Variants in RANBP9 observed in about 807,000 individuals in gnomAD.
RANBP9 encodes the protein ran-binding protein 9.
In RANBP9, 15 loss-of-function variants were observed where a neutral mutation model predicts 84.3. The observed-to-expected ratio is 0.18, with a 90% CI of 0.12 to 0.27. The LOEUF is 0.27. Among genes scored for constraint, RANBP9 ranks in the 10% least tolerant of loss-of-function variants. The probability of loss-of-function intolerance (pLI) is 1.00; values close to 1 mark genes in which losing one functional copy is unlikely to be tolerated. For synonymous variants in RANBP9, 392 were observed against 349.6 expected (o/e 1.12, Z -1.35); for missense variants, 809 against 912.8 (o/e 0.89, Z 1.46).
At chr6:13,691,793 G>A (rs1038627315) in intron 2 of RANBP9, among the ~76,000 whole-genome samples, 3 of 152,122 alleles carry the variant, frequency 2.0e-5, no homozygotes, top group Non-Finnish European at 4.4e-5. Flanking sequence ...AGCCCCCCAA[G>A]TAGCTGGGAT....
intron 12 of RANBP9, among the ~76,000 whole-genome samples, chr6:13,626,081 C>G (rs780934242): frequency 6.6e-6 from 1 of 151,916 alleles, no homozygotes; most frequent in African/African-American, 2.4e-5. Flanking sequence ...GCAAAACATT[C>G]AGATGTTTTA....
intron 2 of RANBP9, among the ~76,000 whole-genome samples, chr6:13,683,308 A>G (rs187257982): frequency 2.8e-4 from 43 of 152,360 alleles, no homozygotes; most frequent in Non-Finnish European, 5.9e-4. Flanking sequence ...TGAGATAAAC[A>G]TAAATAGAAT....
At chr6:13,641,038 G>C (rs1765051065) in intron 8 of RANBP9, among the ~76,000 whole-genome samples, 161 bp downstream of exon 8, 3 of 151,842 alleles carry the variant, frequency 2.0e-5, no homozygotes, top group African/African-American at 4.8e-5. Context: ...TAACACAAAA[G>C]TATTTTTCAT....
intron 12 of RANBP9, among the ~76,000 whole-genome samples, chr6:13,626,649 G>C (rs774314491): frequency 5.9e-5 from 9 of 152,136 alleles, no homozygotes; most frequent in Non-Finnish European, 1.2e-4. Flanking sequence ...GAGAAATTCA[G>C]AACACTCTTA....
chr6:13,687,194 C>A (rs1218092652), intron 2 of RANBP9, among the ~76,000 whole-genome samples: 3 of 152,088 alleles, frequency 2.0e-5, no homozygotes, highest in Non-Finnish European at 4.4e-5. Context: ...ACAACTTAAC[C>A]TTCTGACCAC....
chr6:13,655,718 C>T (rs148316418), intron 4 of RANBP9, among the ~76,000 whole-genome samples: 2 of 152,036 alleles, frequency 1.3e-5, no homozygotes, highest in South Asian at 2.1e-4. Context: ...GTGGTTTTTT[C>T]AAAATGTATT....
At chr6:13,654,737 T>C (rs898982436) in intron 4 of RANBP9, among the ~76,000 whole-genome samples, 1 of 152,188 alleles carries the variant, frequency 6.6e-6, no homozygotes, top group Non-Finnish European at 1.5e-5. Context: ...GTGTGGCTGG[T>C]TGCTAATGAA....
At chr6:13,652,792 T>A in intron 4 of RANBP9, 111 bp from the exon 5 acceptor site, 1 of 889,158 alleles carries the variant, frequency 1.1e-6, no homozygotes, top group Non-Finnish European at 1.7e-6. Flanking sequence ...AAAAAAACAT[T>A]AAAGCCTAAA....
chr6:13,647,518 G>A (rs1765197735), intron 5 of RANBP9, among the ~76,000 whole-genome samples: 1 of 151,992 alleles, frequency 6.6e-6, no homozygotes, highest in South Asian at 2.1e-4. Context: ...ACACACTAAA[G>A]CAAGGTATAA....
chr6:13,711,698 C>T lies in RANBP9; in HGVS notation c.-193G>A, dbSNP rs1278322581. The T allele has an allele frequency of 6.0e-6, 2 of 333,734 alleles. No homozygotes were observed. The highest frequency in any genetic ancestry group is 5.3e-5 in the Admixed American group (1 of 18,940). The allele number at this position is 333,734 out of a possible 1,614,324, so 20.7% of individuals were successfully genotyped here. A position where few individuals can be genotyped will look rare whatever the true frequency, so the allele number is the denominator to read the frequency against. ...GAGACGCGGGAGTAGGCGGCGGGCC[C>T]GGGAGGCCGGGAGAGAACGTTGGCC... is the stretch of plus-strand genomic sequence containing the variant. On this transcript the variant is annotated 5_prime_UTR_variant, in exon 1 of 14. Coordinates refer to ENST00000011619, the MANE Select transcript of RANBP9 (RefSeq NM_005493.3).
At chr6:13,633,442 A>C (rs2127762183) in intron 11 of RANBP9, among the ~76,000 whole-genome samples, 1 of 152,380 alleles carries the variant, frequency 6.6e-6, no homozygotes, top group East Asian at 1.9e-4. Context: ...ATATTTCCCA[A>C]GCACTTTGTG....
chr6:13,666,555 C>CGCTTGAGT (rs2113299020), intron 2 of RANBP9, among the ~76,000 whole-genome samples: 1 of 132,018 alleles, frequency 7.6e-6, no homozygotes, highest in African/African-American at 2.9e-5. Flanking sequence ...GTGAGAGAAG[C>CGCTTGAGT]GCTTGAGTCC....
At chr6:13,632,316 T>C in intron 12 of RANBP9, 54 bp downstream of exon 12, 1 of 1,559,758 alleles carries the variant, frequency 6.4e-7, no homozygotes. Flanking sequence ...TTCACAAAAC[T>C]ACATTTTAGT....
In RANBP9 at chr6:13,622,706, T is replaced by TA. The variant is rs752550827; in HGVS notation, c.2060-215dup. 1.7e-3 allele frequency among the ~76,000 whole-genome samples: 258 copies of TA among 152,338 alleles called. 2 individuals carry two copies. Among genetic ancestry groups the TA allele is most frequent in the Middle Eastern group, 6.8e-3 (2 of 294 alleles). On this transcript the variant is annotated intron_variant, in intron 13 of 13. Coordinates refer to ENST00000011619, the MANE Select transcript of RANBP9 (RefSeq NM_005493.3). ...GGGTATTGTGTATTCAACTATAAGA[T>TA]AAACTCTGGCAGAATCAGACTTTTA...
At position 13,623,469 on chromosome 6, in the gene RANBP9, T is replaced by TA. The variant is rs537107145; in HGVS notation, c.2060-978dup. Reference sequence around the variant, plus strand: ...ATCAGAAAGAAGCAAATTCAGGACTTAAAGGTAGAAGAGAAAACAAAAACA... The same window carrying TA: ...ATCAGAAAGAAGCAAATTCAGGACTTAAAAGGTAGAAGAGAAAACAAAAACA... On this transcript the variant is annotated intron_variant, in intron 13 of 13. Coordinates refer to ENST00000011619, the MANE Select transcript of RANBP9 (RefSeq NM_005493.3). Among the ~76,000 whole-genome samples, 29 of 152,120 alleles carry TA rather than the reference T, an allele frequency of 1.9e-4. 1 individual carries two copies. The highest frequency in any genetic ancestry group is 6.3e-4 in the African/African-American group (26 of 41,484).
At chr6:13,684,916 C>T (rs1766134830) in intron 2 of RANBP9, among the ~76,000 whole-genome samples, 1 of 152,172 alleles carries the variant, frequency 6.6e-6, no homozygotes, top group African/African-American at 2.4e-5. Flanking sequence ...CAGCATCCCA[C>T]CTTCCTAATT....
At chr6:13,710,287 C>A (rs1758240653) in intron 1 of RANBP9, among the ~76,000 whole-genome samples, 1 of 152,142 alleles carries the variant, frequency 6.6e-6, no homozygotes, top group South Asian at 2.1e-4. Context: ...CTGTATAGGG[C>A]ACTTCCAATC....
rs1376938136 is a variant in RANBP9, at chr6:13,622,557, CAGG to C, written c.2060-68_2060-66del. ...AAGACATTTTAAAAAACATTTCAAT[CAGG>C]AGAATACTGCAATGACTTTAAAAAC... is the stretch of plus-strand genomic sequence containing the variant. On this transcript the variant is annotated intron_variant, in intron 13 of 13. Coordinates refer to ENST00000011619, the MANE Select transcript of RANBP9 (RefSeq NM_005493.3). The C allele has an allele frequency of 6.7e-5, 98 of 1,456,976 alleles. 1 individual carries two copies. The East Asian group carries it at 2.2e-3, about 33-fold the overall frequency. The allele number at this position is 1,456,976 out of a possible 1,614,324, so 90.3% of individuals were successfully genotyped here. A position where few individuals can be genotyped will look rare whatever the true frequency, so the allele number is the denominator to read the frequency against.
chr6:13,665,556 A>G (rs1765626179), intron 2 of RANBP9, among the ~76,000 whole-genome samples: 1 of 152,144 alleles, frequency 6.6e-6, no homozygotes, highest in Admixed American at 6.5e-5. Flanking sequence ...AAAACAATAA[A>G]ACCTCTGAAA....
Sources: allele counts gnomAD v4.1 joint callset (sites outside exome capture counted in the v4.1 genomes callset), GRCh38; gene constraint gnomAD v4.1.1; transcripts MANE v1.5; gene names NCBI Gene and HGNC (gene_info 2026-07-23, HGNC 2026-07-21).